Variants in TMED5 observed in about 807,000 individuals in gnomAD.
TMED5 encodes transmembrane emp24 domain-containing protein 5.
A neutral mutation model predicts 23.0 loss-of-function variants in TMED5; 27 were observed. The observed-to-expected ratio is 1.17, with a 90% CI of 0.86 to 1.62. TMED5 has a LOEUF of 1.62. Ranked by LOEUF, TMED5 falls within the 40% of genes most tolerant of loss-of-function variation. The pLI, the probability that TMED5 is intolerant of heterozygous loss-of-function variation, is 0.00. For missense variants in TMED5, 248 were observed against 273.7 expected (o/e 0.91, Z 0.66); for synonymous variants, 97 against 100.8 (o/e 0.96, Z 0.23).
At chr1:93,177,916 G>A (rs889508317) in intron 1 of TMED5, among the ~76,000 whole-genome samples, 1 of 152,044 alleles carries the variant, frequency 6.6e-6, no homozygotes, top group Non-Finnish European at 1.5e-5. Flanking sequence ...GTTAAGAGCT[G>A]GTGCTCTTAA....
rs1010606072 is a variant in TMED5 at position 93,151,492 on chromosome 1, G to T, written c.*3178C>A. The stretch of plus-strand genomic sequence containing the variant: ...AACTGACAGGATTCTATATTGTGTT[G>T]GTTGAAAATTAAGAATCCTGAGCCA... On this transcript the variant is annotated 3_prime_UTR_variant, in exon 4 of 4. Coordinates refer to ENST00000370282, the MANE Select transcript of TMED5 (RefSeq NM_016040.5). The T allele has an allele frequency of 2.0e-5, 3 of 152,170 alleles. No homozygotes were observed. Among genetic ancestry groups the T allele is most frequent in the Admixed American group, 2.0e-4 (3 of 15,284 alleles). The allele number at this position is 152,170 out of a possible 1,614,324, so 9.4% of individuals were successfully genotyped here. A position where few individuals can be genotyped will look rare whatever the true frequency, so the allele number is the denominator to read the frequency against.
At chr1:93,175,363 T>G (rs1571285083) in intron 1 of TMED5, among the ~76,000 whole-genome samples, 1 of 146,426 alleles carries the variant, frequency 6.8e-6, no homozygotes, top group Non-Finnish European at 1.5e-5. Context: ...TGAGTTTTTG[T>G]TTTTTTATAT....
At chr1:93,155,549 T>TTTGTC (rs1648043130) in intron 3 of TMED5, among the ~76,000 whole-genome samples, 1 of 149,484 alleles carries the variant, frequency 6.7e-6, no homozygotes, top group Non-Finnish European at 1.5e-5. Context: ...TTTTTTTTTT[T>TTTGTC]TTTGTCGGGG....
At chr1:93,174,261 C>T (rs956871236) in intron 1 of TMED5, among the ~76,000 whole-genome samples, 1 of 152,146 alleles carries the variant, frequency 6.6e-6, no homozygotes, top group African/African-American at 2.4e-5. Flanking sequence ...TGAGCCACCG[C>T]ACCCAGCTTT....
Position 93,160,114 on chromosome 1 carries a change from A to G in TMED5, c.287+15T>C. On this transcript the variant is annotated intron_variant, in intron 2 of 3. Transcript: ENST00000370282. Reference sequence around the variant, plus strand: ...ATTATTCAGCAATGAAACTCAACTAAAAGAGATTACTTACGTGTGAACTCC... The same window carrying G: ...ATTATTCAGCAATGAAACTCAACTAGAAGAGATTACTTACGTGTGAACTCC... 6.4e-7 allele frequency: 1 copy of G among 1,567,442 alleles called. No homozygotes were observed. The highest frequency in any genetic ancestry group is 8.8e-7 in the Non-Finnish European group (1 of 1,139,058).
intron 1 of TMED5, among the ~76,000 whole-genome samples, chr1:93,177,250 T>C (rs1027495385): frequency 6.6e-6 from 1 of 152,108 alleles, no homozygotes; most frequent in African/African-American, 2.4e-5. Flanking sequence ...CCTCTTTCCT[T>C]AATCAAAACA....
At chr1:93,167,366 T>C (rs1216645861) in intron 1 of TMED5, among the ~76,000 whole-genome samples, 1 of 152,222 alleles carries the variant, frequency 6.6e-6, no homozygotes, top group African/African-American at 2.4e-5. Flanking sequence ...TATGGACATT[T>C]TAACAATATT....
intron 3 of TMED5, among the ~76,000 whole-genome samples, chr1:93,155,261 T>G (rs1648025468): frequency 6.6e-6 from 1 of 152,158 alleles, no homozygotes; most frequent in South Asian, 2.1e-4. Context: ...ATGCTTTATG[T>G]TTTTTATCCA....
chr1:93,158,997 C>A, intron 2 of TMED5: 1 of 274,306 alleles, frequency 3.6e-6, no homozygotes, highest in Non-Finnish European at 5.6e-6. Context: ...CTGAGCTCTG[C>A]ATAGGTAAAA....
At chr1:93,172,225 C>T (rs2101160441) in intron 1 of TMED5, among the ~76,000 whole-genome samples, 1 of 151,840 alleles carries the variant, frequency 6.6e-6, no homozygotes, top group South Asian at 2.1e-4. Flanking sequence ...TGTAATACAA[C>T]AAGAAAGGGA....
chr1:93,156,628 A>G, intron 2 of TMED5, 145 bp from the exon 3 acceptor site: 1 of 644,490 alleles, frequency 1.6e-6, no homozygotes, highest in South Asian at 2.0e-5. Context: ...AGGCTGGTAG[A>G]TCACTTTAGC....
chr1:93,165,260 G>GT (rs1571277590), intron 1 of TMED5, among the ~76,000 whole-genome samples: 1 of 152,180 alleles, frequency 6.6e-6, no homozygotes, highest in Non-Finnish European at 1.5e-5. Context: ...TGGTTGATTA[G>GT]TTTTTTATCA....
At chr1:93,159,387 T>C (rs149364054) in intron 2 of TMED5, among the ~76,000 whole-genome samples, 1 of 152,276 alleles carries the variant, frequency 6.6e-6, no homozygotes, top group East Asian at 1.9e-4. Context: ...CCCTTGTTTA[T>C]AGCAAATACT....
chr1:93,156,154 G>C (rs979250096), intron 3 of TMED5, 146 bp downstream of exon 3: 23 of 1,109,426 alleles, frequency 2.1e-5, no homozygotes, highest in South Asian at 3.1e-5. Context: ...GCTGATACTT[G>C]AGGTCAAAGT....
intron 2 of TMED5, chr1:93,158,829 G>C (rs1332071897): frequency 2.3e-5 from 16 of 682,318 alleles, no homozygotes. Context: ...GCCTCGGAAA[G>C]TGCTGGGATT....
At chr1:93,175,316 TACACACACAC>T (rs376330795) in intron 1 of TMED5, among the ~76,000 whole-genome samples, 21 of 129,088 alleles carry the variant, frequency 1.6e-4, no homozygotes, top group Admixed American at 1.3e-3. Flanking sequence ...TATATATATA[TACACACACAC>T]ACACACACAC....
intron 1 of TMED5, chr1:93,160,469 A>T (rs766287966): frequency 1.8e-4 from 58 of 328,820 alleles, no homozygotes; most frequent in Non-Finnish European, 3.0e-4. Context: ...GATATTACTG[A>T]AATAAATCTT....
intron 2 of TMED5, 137 bp from the exon 3 acceptor site, chr1:93,156,620 G>C: frequency 1.5e-6 from 1 of 661,762 alleles, no homozygotes; most frequent in Non-Finnish European, 2.6e-6. Flanking sequence ...AGAGGGCAAG[G>C]CTGGTAGATC....
intron 1 of TMED5, among the ~76,000 whole-genome samples, chr1:93,173,531 A>G (rs1648799764): frequency 6.6e-6 from 1 of 152,232 alleles, no homozygotes; most frequent in Non-Finnish European, 1.5e-5. Context: ...TGAACTACAA[A>G]TATATAACAA....
Sources: gnomAD v4.1 joint callset for allele counts (sites outside exome capture counted in the v4.1 genomes callset) on GRCh38, gnomAD v4.1.1 for gene constraint, MANE v1.5 for transcripts, NCBI Gene and HGNC (gene_info 2026-07-23, HGNC 2026-07-21) for gene names.